ZNF398: variants seen among roughly 807,000 people sequenced by gnomAD.
ZNF398 encodes zinc finger protein 398.
ZNF398 carries 18 observed loss-of-function variants against 41.9 expected under a neutral mutation model. The ratio of observed to expected loss-of-function variants is 0.43; its 90% CI spans 0.30 to 0.64. The LOEUF (loss-of-function observed/expected upper bound fraction) is 0.64, where lower values mean the gene tolerates loss of function less well. Ranked by LOEUF, ZNF398 falls within the 30% of genes least tolerant of loss-of-function variation. The pLI is 0.14. For missense variants in ZNF398, 669 were observed against 822.8 expected (o/e 0.81, Z 2.29); for synonymous variants, 260 against 308.8 (o/e 0.84, Z 1.66).
chr7:149,131,936 C>T (rs1342360782), intron 2 of ZNF398, among the ~76,000 whole-genome samples: 2 of 152,122 alleles, frequency 1.3e-5, no homozygotes, highest in Non-Finnish European at 2.9e-5. Flanking sequence ...AGCTACGCAG[C>T]ATACCAATTT....
chr7:149,162,980 A>T (rs997941743), intron 2 of ZNF398, among the ~76,000 whole-genome samples: 10 of 151,882 alleles, frequency 6.6e-5, no homozygotes, highest in Non-Finnish European at 1.5e-5. Context: ...TGTCTCAAAA[A>T]ATATATATAT....
chr7:149,139,997 A>C lies in ZNF398; in HGVS notation c.-490+11053A>C, dbSNP rs534320804. ...TGGGCAACAGAGCGAAATCCATCTC[A>C]AAGAAAAAAATAATAAAATAAAATA... On this transcript the variant is annotated intron_variant, in intron 2 of 6. Coordinates refer to the ZNF398 transcript ENST00000426851. 5.2e-4 allele frequency among the ~76,000 whole-genome samples: 79 copies of C among 152,000 alleles called. 2 individuals carry two copies. In the South Asian group the frequency reaches 9.3e-3, roughly 18 times the overall value.
At chr7:149,137,784 C>T (rs753027258) in intron 2 of ZNF398, among the ~76,000 whole-genome samples, 9 of 151,610 alleles carry the variant, frequency 5.9e-5, no homozygotes, top group Non-Finnish European at 1.0e-4. Flanking sequence ...AATCATTTTT[C>T]TGCATTTATG....
upstream of ZNF398, among the ~76,000 whole-genome samples, chr7:149,143,844 C>G (rs912732751): frequency 1.3e-5 from 2 of 152,002 alleles, no homozygotes; most frequent in African/African-American, 4.8e-5. Context: ...CCCAAAAAAG[C>G]CAATTAAATT....
chr7:149,157,460 G>T (rs988769182), intron 2 of ZNF398, among the ~76,000 whole-genome samples: 2 of 151,366 alleles, frequency 1.3e-5, no homozygotes, highest in Non-Finnish European at 2.9e-5. Flanking sequence ...GCATGAACCC[G>T]GGAGGCGGAG....
intron 3 of ZNF398, 42 bp from the exon 4 acceptor site, chr7:149,166,775 T>C (rs181189181): frequency 3.5e-6 from 5 of 1,430,942 alleles, no homozygotes; most frequent in Non-Finnish European, 4.9e-6. Context: ...TCATCCTCAT[T>C]TATCTCTTTG....
At chr7:149,172,602 G>T (rs1795370834) in intron 4 of ZNF398, among the ~76,000 whole-genome samples, 1 of 152,158 alleles carries the variant, frequency 6.6e-6, no homozygotes, top group Non-Finnish European at 1.5e-5. Context: ...ACATGCTGAG[G>T]TTGCCAAGAT....
At chr7:149,164,938 A>G (rs1795194679) in intron 2 of ZNF398, among the ~76,000 whole-genome samples, 1 of 152,054 alleles carries the variant, frequency 6.6e-6, no homozygotes, top group Non-Finnish European at 1.5e-5. Context: ...TACTAAAAAT[A>G]CAAGAATTAG....
intron 2 of ZNF398, among the ~76,000 whole-genome samples, chr7:149,142,328 C>T (rs1826842483): frequency 6.6e-6 from 1 of 152,020 alleles, no homozygotes; most frequent in Admixed American, 6.6e-5. Context: ...CAGATATATA[C>T]TGTATATATC....
intron 2 of ZNF398, among the ~76,000 whole-genome samples, chr7:149,156,915 C>T (rs890049337): frequency 3.3e-5 from 5 of 150,744 alleles, no homozygotes; most frequent in Admixed American, 3.3e-4. Context: ...TTAGTTAGAA[C>T]TTACTATTCT....
chr7:149,154,821 T>C (rs1286471280), intron 2 of ZNF398, among the ~76,000 whole-genome samples: 1 of 151,662 alleles, frequency 6.6e-6, no homozygotes, highest in African/African-American at 2.4e-5. Flanking sequence ...AAACCCTGTC[T>C]CTACTAAAAA....
chr7:149,138,198 TC>T (rs1826752976), intron 2 of ZNF398, among the ~76,000 whole-genome samples: 1 of 140,262 alleles, frequency 7.1e-6, no homozygotes, highest in African/African-American at 2.7e-5. Flanking sequence ...CGAAACTCTG[TC>T]TCAAAAAAAA....
At chr7:149,144,157 G>A (rs1826884696), upstream of ZNF398, among the ~76,000 whole-genome samples, 1 of 152,090 alleles carries the variant, frequency 6.6e-6, no homozygotes, top group Non-Finnish European at 1.5e-5. Flanking sequence ...ATAAGTTGGT[G>A]GTAATATTAC....
intron 1 of ZNF398, among the ~76,000 whole-genome samples, chr7:149,152,230 A>G (rs1254886455): frequency 6.7e-6 from 1 of 149,686 alleles, no homozygotes; most frequent in Non-Finnish European, 1.5e-5. Context: ...TAAATAATTA[A>G]TTAATTAATA....
Position 149,176,572 on chromosome 7 carries a change from A to C in ZNF398, c.766A>C (p.Thr256Pro). The change falls in exon 5 of 6, where the codon ACT (threonine) becomes CCT (proline). Residue 256 changes from threonine to proline, a missense_variant. By Grantham distance (38) the Thr-to-Pro change is conservative. This residue lies in a region of ZNF398 where 290 missense variants were observed against 292.9 expected (regional missense o/e 0.99). Coordinates refer to ENST00000475153, the MANE Select transcript of ZNF398 (RefSeq NM_170686.3). ...CAAGGAGAGTGACGTGTACAAAAGCACTTATGCTGGTGAGTATGAAATTAA... is the reference window on the plus strand; with the variant it reads ...CAAGGAGAGTGACGTGTACAAAAGCCCTTATGCTGGTGAGTATGAAATTAA... ...ESKESDVYKS[T>P]YADEELVIKA... is the part of the protein sequence containing the mutation. The C allele has an allele frequency of 6.2e-7, 1 of 1,603,936 alleles. No individual in the cohort carries two copies. Among genetic ancestry groups the C allele is most frequent in the East Asian group, 2.2e-5 (1 of 44,772 alleles).
intron 5 of ZNF398, 122 bp downstream of exon 5, chr7:149,176,703 G>A: frequency 1.6e-6 from 1 of 609,096 alleles, no homozygotes; most frequent in South Asian, 2.3e-5. Flanking sequence ...GAAAGAAAAA[G>A]CCATGCTCAA....
intron 1 of ZNF398, 55 bp from the exon 2 acceptor site, chr7:149,153,890 A>T (rs1794914440): frequency 6.5e-7 from 1 of 1,546,476 alleles, no homozygotes; most frequent in Admixed American, 2.0e-5. Context: ...TTTAGTTTGG[A>T]GTTAGGGTTC....
chr7:149,133,673 A>ATG (rs1238526093), intron 2 of ZNF398, among the ~76,000 whole-genome samples: 3 of 47,484 alleles, frequency 6.3e-5, no homozygotes, highest in East Asian at 1.2e-3. Flanking sequence ...ATATATATAT[A>ATG]TATATACATA....
chr7:149,162,665 A>T (rs1353631527), intron 2 of ZNF398, among the ~76,000 whole-genome samples: 1 of 152,186 alleles, frequency 6.6e-6, no homozygotes, highest in Non-Finnish European at 1.5e-5. Context: ...AAAGATGTAG[A>T]ACTATATAAC....
Sources: gnomAD v4.1 joint callset for allele counts (sites outside exome capture counted in the v4.1 genomes callset) on GRCh38, gnomAD v4.1.1 for gene constraint, gnomAD v4.1.1 regional missense constraint, MANE v1.5 for transcripts, NCBI Gene and HGNC (gene_info 2026-07-23, HGNC 2026-07-21) for gene names.